STXBP6: variants seen among roughly 807,000 people sequenced by gnomAD.
STXBP6 encodes the protein syntaxin-binding protein 6.
In STXBP6, 21 loss-of-function variants were observed where a neutral mutation model predicts 26.9. The ratio of observed to expected loss-of-function variants is 0.78; its 90% CI spans 0.55 to 1.12. The LOEUF is 1.12. Ranked by LOEUF, STXBP6 falls within the 50% of genes most tolerant of loss-of-function variation. STXBP6 has a pLI of 0.00. For missense variants in STXBP6, 232 were observed against 257.9 expected (o/e 0.90, Z 0.69); for synonymous variants, 97 against 92.6 (o/e 1.05, Z -0.27).
At chr14:24,858,665 G>T (rs1483100627) in intron 2 of STXBP6, among the ~76,000 whole-genome samples, 1 of 151,998 alleles carries the variant, frequency 6.6e-6, no homozygotes, top group East Asian at 1.9e-4. Flanking sequence ...GTCTGCCCAG[G>T]ACTCTGTCTA....
chr14:24,826,508 T>G (rs2068287745), intron 4 of STXBP6, among the ~76,000 whole-genome samples: 1 of 152,104 alleles, frequency 6.6e-6, no homozygotes, highest in East Asian at 1.9e-4. Flanking sequence ...GAAGGAGGAG[T>G]CTGCCCCTAC....
intron 2 of STXBP6, among the ~76,000 whole-genome samples, chr14:24,914,442 T>C (rs1308971904): frequency 6.6e-6 from 1 of 152,228 alleles, no homozygotes; most frequent in Non-Finnish European, 1.5e-5. Flanking sequence ...AATAATTTAT[T>C]ATACTGCCCT....
intron 2 of STXBP6, among the ~76,000 whole-genome samples, chr14:24,954,784 G>C (rs767279495): frequency 6.6e-6 from 1 of 152,212 alleles, no homozygotes; most frequent in Non-Finnish European, 1.5e-5. Context: ...TTCACTGACA[G>C]AAAAATTCTG....
At chr14:24,828,199 A>G (rs527568373) in intron 4 of STXBP6, among the ~76,000 whole-genome samples, 1 of 152,318 alleles carries the variant, frequency 6.6e-6, no homozygotes, top group East Asian at 1.9e-4. Context: ...TATTATTGCC[A>G]GATAGCAAGG....
chr14:24,903,894 A>C (rs1360721106), intron 2 of STXBP6, among the ~76,000 whole-genome samples: 5 of 152,192 alleles, frequency 3.3e-5, no homozygotes, highest in Non-Finnish European at 7.4e-5. Context: ...GTGAAAGGGC[A>C]TCTACGTGTA....
intron 5 of STXBP6, among the ~76,000 whole-genome samples, chr14:24,818,688 C>A (rs2068051256): frequency 6.6e-6 from 1 of 152,114 alleles, no homozygotes; most frequent in Non-Finnish European, 1.5e-5. Flanking sequence ...CTAAGTGGGG[C>A]AGGGATATTC....
chr14:24,861,824 T>C (rs1324752657), intron 2 of STXBP6, among the ~76,000 whole-genome samples: 1 of 152,150 alleles, frequency 6.6e-6, no homozygotes, highest in Non-Finnish European at 1.5e-5. Context: ...CTGCAGGCTA[T>C]GTAACCCAGA....
intron 1 of STXBP6, among the ~76,000 whole-genome samples, chr14:25,028,763 G>A (rs887994316): frequency 2.6e-5 from 4 of 152,080 alleles, no homozygotes; most frequent in African/African-American, 9.7e-5. Flanking sequence ...TTTCTAAAAG[G>A]AGTCACCATT....
At chr14:24,831,903 A>G (rs1270665043) in intron 4 of STXBP6, among the ~76,000 whole-genome samples, 4 of 152,194 alleles carry the variant, frequency 2.6e-5, no homozygotes. Flanking sequence ...AAAGGGGCGA[A>G]TGAAGGATTT....
At chr14:24,930,859 C>T (rs2072360295) in intron 2 of STXBP6, among the ~76,000 whole-genome samples, 1 of 151,580 alleles carries the variant, frequency 6.6e-6, no homozygotes, top group African/African-American at 2.4e-5. Context: ...CGCCTGTAAT[C>T]CCAGCACTTT....
chr14:24,830,348 G>C (rs2068420380), intron 4 of STXBP6, among the ~76,000 whole-genome samples: 1 of 152,124 alleles, frequency 6.6e-6, no homozygotes, highest in African/African-American at 2.4e-5. Context: ...AGCTATTGCA[G>C]TAATTCAGGT....
At chr14:24,826,369 G>A (rs1276439631) in intron 4 of STXBP6, among the ~76,000 whole-genome samples, 1 of 152,126 alleles carries the variant, frequency 6.6e-6, no homozygotes, top group Non-Finnish European at 1.5e-5. Context: ...TTACAACAGT[G>A]TTTGGCCCAT....
intron 4 of STXBP6, among the ~76,000 whole-genome samples, chr14:24,833,959 GTT>G (rs2068535828): frequency 6.6e-6 from 1 of 152,046 alleles, no homozygotes; most frequent in Non-Finnish European, 1.5e-5. Flanking sequence ...CACCTCCTCT[GTT>G]TAAATACCAC....
intron 2 of STXBP6, among the ~76,000 whole-genome samples, chr14:24,864,419 T>G (rs2069646156): frequency 6.6e-6 from 1 of 152,038 alleles, no homozygotes; most frequent in Non-Finnish European, 1.5e-5. Flanking sequence ...TTCTTAGAAC[T>G]AAAAAACCCT....
chr14:24,998,288 G>A (rs140008869), intron 1 of STXBP6, among the ~76,000 whole-genome samples: 42 of 152,208 alleles, frequency 2.8e-4, no homozygotes, highest in Non-Finnish European at 5.1e-4. Context: ...TCTAGGAAGT[G>A]GGAAGGGGTT....
At chr14:24,934,947 T>C (rs1486457696) in intron 2 of STXBP6, among the ~76,000 whole-genome samples, 1 of 152,094 alleles carries the variant, frequency 6.6e-6, no homozygotes, top group Non-Finnish European at 1.5e-5. Context: ...AATACTTGAT[T>C]TACTTTACAT....
chr14:25,017,067 G>C (rs558686610), intron 1 of STXBP6, among the ~76,000 whole-genome samples: 1 of 152,244 alleles, frequency 6.6e-6, no homozygotes, highest in South Asian at 2.1e-4. Context: ...CTAGATGCCA[G>C]GTATAAAGTA....
intron 2 of STXBP6, among the ~76,000 whole-genome samples, chr14:24,873,799 G>C (rs1238064670): frequency 6.6e-6 from 1 of 152,176 alleles, no homozygotes; most frequent in Non-Finnish European, 1.5e-5. Context: ...TGAATGACGG[G>C]AACAATGAGG....
At chr14:24,883,829 T>A (rs1421525576) in intron 2 of STXBP6, among the ~76,000 whole-genome samples, 6 of 152,176 alleles carry the variant, frequency 3.9e-5, no homozygotes, top group Non-Finnish European at 1.5e-5. Flanking sequence ...AATGGAAATG[T>A]CAGACTATCC....
Sources: allele counts gnomAD v4.1 joint callset (sites outside exome capture counted in the v4.1 genomes callset), GRCh38; gene constraint gnomAD v4.1.1; transcripts MANE v1.5; gene names NCBI Gene and HGNC (gene_info 2026-07-23, HGNC 2026-07-21).